Variants in DYNC1I1 observed in about 807,000 individuals in gnomAD.
DYNC1I1 encodes the protein dynein cytoplasmic 1 intermediate chain 1.
Under a neutral mutation model 86.6 loss-of-function variants are expected in DYNC1I1, and 43 were observed. The observed-to-expected ratio is 0.50, with a 90% CI of 0.39 to 0.64. The LOEUF (loss-of-function observed/expected upper bound fraction) is 0.64. Ranked by LOEUF, DYNC1I1 falls within the 30% of genes least tolerant of loss-of-function variation. The probability of loss-of-function intolerance (pLI) is 0.00; values close to 1 mark genes in which losing one functional copy is unlikely to be tolerated. For missense variants in DYNC1I1, 604 were observed against 788.8 expected (o/e 0.77, Z 2.81); for synonymous variants, 262 against 283.7 (o/e 0.92, Z 0.77).
intron 16 of DYNC1I1, among the ~76,000 whole-genome samples, chr7:96,085,476 G>C (rs1790651076): frequency 6.6e-6 from 1 of 152,088 alleles, no homozygotes; most frequent in Admixed American, 6.5e-5. Context: ...TAGGTCACAT[G>C]ATGCTGTGTT....
intron 10 of DYNC1I1, among the ~76,000 whole-genome samples, chr7:96,004,471 T>G (rs975202632): frequency 2.6e-5 from 4 of 152,230 alleles, no homozygotes; most frequent in African/African-American, 9.6e-5. Context: ...AGTTATGTTA[T>G]GCAGCATTAC....
At chr7:95,936,077 C>G (rs914103815) in intron 6 of DYNC1I1, among the ~76,000 whole-genome samples, 1 of 151,972 alleles carries the variant, frequency 6.6e-6, no homozygotes, top group African/African-American at 2.4e-5. Flanking sequence ...CCTCACATTT[C>G]TCATAATACT....
rs914129393 is a variant in DYNC1I1, at chr7:95,810,273, T to A, written c.109-119T>A. 3.2e-5 allele frequency: 20 copies of A among 633,530 alleles called. No individual in the cohort carries two copies. In the African/African-American group the frequency reaches 3.6e-4, roughly 11 times the overall value. 39.2% of individuals were successfully genotyped at this position (633,530 alleles called of 1,614,324 possible). A position where few individuals can be genotyped will look rare whatever the true frequency, so the allele number is the denominator to read the frequency against. On this transcript the variant is annotated intron_variant, in intron 2 of 16. Coordinates refer to ENST00000447467, the MANE Select transcript of DYNC1I1 (RefSeq NM_001135556.2). ...TATTCATCCTTTATACATGTGATTA[T>A]ATCTATTTAGGGCTTTCACCTTGTC...
intron 10 of DYNC1I1, among the ~76,000 whole-genome samples, chr7:96,024,787 G>GT (rs1017335027): frequency 5.3e-5 from 8 of 152,208 alleles, no homozygotes; most frequent in Non-Finnish European, 8.8e-5. Context: ...TTTCTGAAAT[G>GT]TTTTTTACTT....
At chr7:95,962,791 A>G (rs975953863) in intron 6 of DYNC1I1, among the ~76,000 whole-genome samples, 2 of 152,122 alleles carry the variant, frequency 1.3e-5, no homozygotes, top group Admixed American at 6.5e-5. Context: ...GTCTCTGGGG[A>G]AAAAAATAGG....
chr7:96,104,952 T>A (rs1054609360), intron 16 of DYNC1I1, among the ~76,000 whole-genome samples: 1 of 152,154 alleles, frequency 6.6e-6, no homozygotes, highest in African/African-American at 2.4e-5. Context: ...TGGATCTGTA[T>A]ATTTGGGGCA....
intron 10 of DYNC1I1, among the ~76,000 whole-genome samples, chr7:96,005,860 A>G (rs1330443057): frequency 6.6e-6 from 1 of 152,102 alleles, no homozygotes; most frequent in Non-Finnish European, 1.5e-5. Context: ...GAAGGGCTTG[A>G]CTCAAAGTGG....
At chr7:95,853,367 C>G (rs1789631014) in intron 5 of DYNC1I1, among the ~76,000 whole-genome samples, 1 of 152,070 alleles carries the variant, frequency 6.6e-6, no homozygotes, top group Non-Finnish European at 1.5e-5. Context: ...TCTCTCTTAC[C>G]CTCTTCTTGC....
chr7:95,856,470 C>A (rs1348181753), intron 5 of DYNC1I1, among the ~76,000 whole-genome samples: 1 of 152,182 alleles, frequency 6.6e-6, no homozygotes, highest in African/African-American at 2.4e-5. Flanking sequence ...ACAGACATTC[C>A]TTTCTATTAA....
intron 5 of DYNC1I1, among the ~76,000 whole-genome samples, chr7:95,861,638 T>C (rs1027410555): frequency 2.6e-5 from 4 of 151,968 alleles, no homozygotes; most frequent in Admixed American, 6.6e-5. Flanking sequence ...TTACTTTTCT[T>C]AAATATGAAG....
chr7:96,082,232 T>A (rs1378261299), intron 16 of DYNC1I1, among the ~76,000 whole-genome samples: 1 of 152,038 alleles, frequency 6.6e-6, no homozygotes, highest in Non-Finnish European at 1.5e-5. Flanking sequence ...AAAACAGATA[T>A]TCTTTATTGG....
chr7:95,796,715 C>G (rs1310900759), intron 1 of DYNC1I1, among the ~76,000 whole-genome samples: 3 of 151,962 alleles, frequency 2.0e-5, no homozygotes, highest in African/African-American at 7.3e-5. Context: ...AAAATTTTGT[C>G]AAGTAAATGT....
intron 6 of DYNC1I1, among the ~76,000 whole-genome samples, chr7:95,922,363 T>C (rs1400609594): frequency 6.6e-6 from 1 of 152,126 alleles, no homozygotes; most frequent in African/African-American, 2.4e-5. Context: ...GAAGGACTGA[T>C]TGGTTAGCTT....
downstream of DYNC1I1, among the ~76,000 whole-genome samples, chr7:96,100,355 CT>C (rs1791110444): frequency 6.7e-6 from 1 of 149,544 alleles, no homozygotes; most frequent in South Asian, 2.1e-4. Context: ...TCCTTCCTTC[CT>C]TTCCTTCCTT....
At chr7:95,902,388 C>G (rs1407264717) in intron 6 of DYNC1I1, among the ~76,000 whole-genome samples, 2 of 152,172 alleles carry the variant, frequency 1.3e-5, no homozygotes, top group African/African-American at 4.8e-5. Context: ...TAAATGCCCC[C>G]TTTGCTACAC....
At chr7:95,836,018 A>T in intron 5 of DYNC1I1, among the ~76,000 whole-genome samples, 1 of 152,116 alleles carries the variant, frequency 6.6e-6, no homozygotes, top group Non-Finnish European at 1.5e-5. Context: ...TGTCATGATG[A>T]TGTTAGCTGG....
chr7:96,088,925 C>G (rs867871955), intron 16 of DYNC1I1, among the ~76,000 whole-genome samples: 5 of 152,108 alleles, frequency 3.3e-5, no homozygotes, highest in South Asian at 2.1e-4. Flanking sequence ...AAGAAATATC[C>G]AAACTGCTAA....
intron 6 of DYNC1I1, among the ~76,000 whole-genome samples, chr7:95,973,556 A>G (rs761861693): frequency 1.6e-4 from 25 of 152,142 alleles, no homozygotes; most frequent in African/African-American, 2.9e-4. Flanking sequence ...GATCAAAAAC[A>G]TATTCTCTGG....
At position 96,058,618 on chromosome 7, in the gene DYNC1I1, AC is replaced by A. The variant is rs200770659; in HGVS notation, c.1510-17437del. Among the ~76,000 whole-genome samples the A allele has an allele frequency of 6.3e-3, 963 of 152,188 alleles. 10 individuals are homozygous for A. Among genetic ancestry groups the A allele is most frequent in the African/African-American group, 0.022 (900 of 41,528 alleles). ...TCTGGTGGGAAGAAACAGTGTGGAA[AC>A]CAAAGAAACAAATATAGTTAATTAT... On this transcript the variant is annotated intron_variant, in intron 14 of 16. Coordinates refer to ENST00000447467, the MANE Select transcript of DYNC1I1 (RefSeq NM_001135556.2).
Sources: allele counts gnomAD v4.1 joint callset (sites outside exome capture counted in the v4.1 genomes callset), GRCh38; gene constraint gnomAD v4.1.1; transcripts MANE v1.5; gene names NCBI Gene and HGNC (gene_info 2026-07-23, HGNC 2026-07-21).